Variants in ELAPOR2 observed in about 807,000 individuals in gnomAD.
The protein encoded by ELAPOR2 is endosome-lysosome associated apoptosis and autophagy regulator family member 2.
A neutral mutation model predicts 120.7 loss-of-function variants in ELAPOR2; 89 were observed. That is an observed-to-expected ratio of 0.74 (90% CI 0.62 to 0.88). ELAPOR2 has a LOEUF of 0.88. Ranked by LOEUF, ELAPOR2 falls within the 40% of genes least tolerant of loss-of-function variation. The pLI is 0.00. For missense variants in ELAPOR2, 1,134 were observed against 1,251.6 expected, an observed-to-expected ratio of 0.91 and a Z score of 1.42; for synonymous variants, 444 against 444.9, an observed-to-expected ratio of 1.00 and a Z score of 0.03.
At chr7:87,044,451 C>T (rs867967528) in intron 1 of ELAPOR2, among the ~76,000 whole-genome samples, 23 of 114,094 alleles carry the variant, frequency 2.0e-4, no homozygotes, top group Admixed American at 4.7e-4. Flanking sequence ...GAAATAACGC[C>T]GCATATCTAC....
intron 1 of ELAPOR2, among the ~76,000 whole-genome samples, chr7:87,056,024 C>A (rs1005143222): frequency 6.6e-6 from 1 of 152,180 alleles, no homozygotes; most frequent in African/African-American, 2.4e-5. Context: ...ACTTTTCTAT[C>A]TTCTGATACC....
intron 1 of ELAPOR2, among the ~76,000 whole-genome samples, chr7:87,005,707 C>G (rs748004960): frequency 5.3e-5 from 8 of 152,112 alleles, no homozygotes; most frequent in Non-Finnish European, 7.4e-5. Flanking sequence ...GTTGGAACAA[C>G]AGAATATCCA....
intron 18 of ELAPOR2, among the ~76,000 whole-genome samples, chr7:86,905,344 AC>A (rs1788962915): frequency 6.6e-6 from 1 of 151,980 alleles, no homozygotes; most frequent in South Asian, 2.1e-4. Context: ...AAACAAACAA[AC>A]AAAAAAACCT....
chr7:87,030,055 A>G (rs1160685040), intron 1 of ELAPOR2, among the ~76,000 whole-genome samples: 4 of 152,156 alleles, frequency 2.6e-5, no homozygotes, highest in African/African-American at 9.7e-5. Context: ...AGAATTGAGG[A>G]AATAAAGGTA....
At chr7:87,052,767 GTTTGTTTTCTTTTGTTTTGT>G (rs796330507) in intron 1 of ELAPOR2, among the ~76,000 whole-genome samples, 2,151 of 102,774 alleles carry the variant, frequency 0.021, 52 homozygotes, top group African/African-American at 0.06. Context: ...TGATCACAGG[GTTTGTTTTCTTTTGTTTTGT>G]TTTGTTTTGT....
chr7:87,035,728 G>T (rs1794564850), intron 1 of ELAPOR2, among the ~76,000 whole-genome samples: 1 of 151,606 alleles, frequency 6.6e-6, no homozygotes, highest in Non-Finnish European at 1.5e-5. Context: ...CATTGCTTTT[G>T]CAGCCATATG....
At chr7:86,907,491 C>G (rs1018813512) in intron 18 of ELAPOR2, among the ~76,000 whole-genome samples, 179 bp downstream of exon 18, 5 of 149,798 alleles carry the variant, frequency 3.3e-5, no homozygotes, top group Non-Finnish European at 5.9e-5. Context: ...TTAGATTGTA[C>G]AAGGACCTAT....
intron 1 of ELAPOR2, among the ~76,000 whole-genome samples, chr7:87,040,078 C>T (rs1002718383): frequency 3.3e-5 from 5 of 152,336 alleles, no homozygotes; most frequent in Admixed American, 6.5e-5. Context: ...TAAAACACGG[C>T]GCACCACAAG....
chr7:87,026,932 A>G (rs1794262383), intron 1 of ELAPOR2, among the ~76,000 whole-genome samples: 1 of 152,106 alleles, frequency 6.6e-6, no homozygotes, highest in Admixed American at 6.6e-5. Context: ...ATTAGCTGAA[A>G]ACATTTACTT....
intron 1 of ELAPOR2, among the ~76,000 whole-genome samples, chr7:87,012,741 C>T (rs1317142871): frequency 6.6e-6 from 1 of 152,252 alleles, no homozygotes; most frequent in Admixed American, 6.5e-5. Context: ...AAAGAACATT[C>T]CAACTTGAAT....
intron 1 of ELAPOR2, among the ~76,000 whole-genome samples, chr7:87,016,319 T>C (rs1406087391): frequency 6.6e-6 from 1 of 151,988 alleles, no homozygotes; most frequent in Non-Finnish European, 1.5e-5. Context: ...AGGGGATGGG[T>C]AGAAATAGGG....
At chr7:86,917,993 G>C (rs1216568520) in intron 12 of ELAPOR2, among the ~76,000 whole-genome samples, 1 of 152,058 alleles carries the variant, frequency 6.6e-6, no homozygotes, top group Non-Finnish European at 1.5e-5. Context: ...TATGACATGA[G>C]CATAGTACTC....
chr7:86,908,271 G>A (rs1478529241), intron 17 of ELAPOR2, among the ~76,000 whole-genome samples, 176 bp downstream of exon 17: 1 of 151,600 alleles, frequency 6.6e-6, no homozygotes, highest in South Asian at 2.1e-4. Context: ...TAATTATTAA[G>A]TATAAGCTAC....
At chr7:86,960,465 C>G (rs977580373) in intron 2 of ELAPOR2, among the ~76,000 whole-genome samples, 5 of 152,114 alleles carry the variant, frequency 3.3e-5, no homozygotes, top group Non-Finnish European at 7.4e-5. Flanking sequence ...GTTGGCCAGG[C>G]TGGTCTCGAA....
chr7:87,024,987 GA>G (rs200302607), intron 1 of ELAPOR2, among the ~76,000 whole-genome samples: 15,615 of 118,550 alleles, frequency 0.13, 819 homozygotes, highest in Admixed American at 0.16. Flanking sequence ...TTTTCCTACA[GA>G]AAAAAAAAAA....
chr7:86,915,363 G>C (rs566278777), intron 12 of ELAPOR2, among the ~76,000 whole-genome samples: 139 of 152,026 alleles, frequency 9.1e-4, no homozygotes, highest in African/African-American at 3.0e-3. Flanking sequence ...CTTTATCCAA[G>C]TGCATGTTAA....
chr7:86,977,636 C>T (rs565308210), intron 1 of ELAPOR2, among the ~76,000 whole-genome samples: 48 of 152,328 alleles, frequency 3.2e-4, no homozygotes, highest in African/African-American at 9.6e-4. Context: ...CTTTCTACCA[C>T]GTCTTCTAAT....
intron 1 of ELAPOR2, among the ~76,000 whole-genome samples, chr7:86,997,034 C>T (rs1239519257): frequency 6.6e-6 from 1 of 152,126 alleles, no homozygotes; most frequent in African/African-American, 2.4e-5. Context: ...CTAAAAATCA[C>T]TTATATACTT....
At chr7:87,014,383 T>C (rs1793798634) in intron 1 of ELAPOR2, among the ~76,000 whole-genome samples, 1 of 152,136 alleles carries the variant, frequency 6.6e-6, no homozygotes, top group Non-Finnish European at 1.5e-5. Flanking sequence ...ATAATAAGAA[T>C]TAACTATTTA....
Sources: gnomAD v4.1 joint callset for allele counts (sites outside exome capture counted in the v4.1 genomes callset) on GRCh38, gnomAD v4.1.1 for gene constraint, MANE v1.5 for transcripts, NCBI Gene and HGNC (gene_info 2026-07-23, HGNC 2026-07-21) for gene names.